Variants in CACNB2 observed in about 807,000 individuals in gnomAD.
CACNB2 encodes voltage-dependent L-type calcium channel subunit beta-2.
Under a neutral mutation model 73.3 loss-of-function variants are expected in CACNB2, and 42 were observed. That is an observed-to-expected ratio of 0.57 (90% CI 0.45 to 0.74). The LOEUF (loss-of-function observed/expected upper bound fraction) is 0.74. Among genes scored for constraint, CACNB2 ranks in the 30% least tolerant of loss-of-function variants. The probability of loss-of-function intolerance (pLI) is 0.00; values close to 1 mark genes in which losing one functional copy is unlikely to be tolerated. For missense variants in CACNB2, 940 were observed against 853.0 expected (o/e 1.10, Z -1.27); for synonymous variants, 348 against 310.3 (o/e 1.12, Z -1.28).
chr10:18,498,754 C>T (rs1414696120), intron 4 of CACNB2: 3 of 403,750 alleles, frequency 7.4e-6, no homozygotes, highest in African/African-American at 6.2e-5. Flanking sequence ...CTTTTTTATG[C>T]TTAACCTATA....
intron 3 of CACNB2, among the ~76,000 whole-genome samples, chr10:18,415,858 C>T (rs2044927996): frequency 6.6e-6 from 1 of 152,162 alleles, no homozygotes; most frequent in Non-Finnish European, 1.5e-5. Context: ...TCTTGCAAAT[C>T]TGAAACTCTA....
chr10:18,315,710 A>G (rs2040156982), intron 2 of CACNB2, among the ~76,000 whole-genome samples: 1 of 151,828 alleles, frequency 6.6e-6, no homozygotes. Context: ...ACAAAACAAA[A>G]TGAAACTAAA....
At chr10:18,450,984 T>A (rs1292810064) in intron 3 of CACNB2, among the ~76,000 whole-genome samples, 1 of 152,148 alleles carries the variant, frequency 6.6e-6, no homozygotes, top group Non-Finnish European at 1.5e-5. Flanking sequence ...TTTTAACATG[T>A]TACTTGGGAC....
chr10:18,296,446 G>A (rs983230595), intron 2 of CACNB2, among the ~76,000 whole-genome samples: 3 of 152,040 alleles, frequency 2.0e-5, no homozygotes, highest in African/African-American at 4.8e-5. Flanking sequence ...ACACTCATAC[G>A]TTGAGAGAGT....
At chr10:18,475,298 CT>C (rs1308636733) in intron 3 of CACNB2, among the ~76,000 whole-genome samples, 2 of 152,036 alleles carry the variant, frequency 1.3e-5, no homozygotes, top group Non-Finnish European at 2.9e-5. Context: ...GTCTCCAACC[CT>C]TTTCCTGTCT....
At chr10:18,467,652 C>T (rs1453170163) in intron 3 of CACNB2, among the ~76,000 whole-genome samples, 1 of 152,192 alleles carries the variant, frequency 6.6e-6, no homozygotes, top group East Asian at 1.9e-4. Flanking sequence ...TTACTATTCT[C>T]CATTGACAGT....
chr10:18,399,697 TTCTTAAGA>T (rs1241896156), intron 2 of CACNB2, among the ~76,000 whole-genome samples: 1 of 152,044 alleles, frequency 6.6e-6, no homozygotes, highest in African/African-American at 2.4e-5. Flanking sequence ...TTCTTAAGTA[TTCTTAAGA>T]ACACTTTTTT....
chr10:18,488,028 C>G (rs2049161906), intron 3 of CACNB2, among the ~76,000 whole-genome samples: 1 of 151,040 alleles, frequency 6.6e-6, no homozygotes, highest in South Asian at 2.1e-4. Context: ...TGGCTGGTCT[C>G]GAACTCCTGA....
Position 18,343,927 on chromosome 10 carries a change from T to TAATA in CACNB2, c.214-57985_214-57982dup, listed in dbSNP as rs144480471. ...AAAGTGGTCCTCAACTTCTAAATGG[T>TAATA]AATAAATAAATAAATCTGAGTGGGC... On this transcript the variant is annotated intron_variant, in intron 2 of 13. Coordinates refer to ENST00000324631, the MANE Select transcript of CACNB2 (RefSeq NM_201596.3). Among the ~76,000 whole-genome samples the TAATA allele has an allele frequency of 6.5e-3, 987 of 151,982 alleles. 5 individuals are homozygous for TAATA. Among genetic ancestry groups the TAATA allele is most frequent in the Non-Finnish European group, 0.011 (743 of 67,854 alleles).
rs539986342 is a variant in CACNB2 at position 18,466,241 on chromosome 10, A to AT, written c.334-32108dup. Among the ~76,000 whole-genome samples, 939 of 152,020 alleles carry AT rather than the reference A, an allele frequency of 6.2e-3. 14 individuals are homozygous for AT. Among genetic ancestry groups the AT allele is most frequent in the African/African-American group, 0.022 (908 of 41,446 alleles). ...CGTCTTTTGCCTATTTAATCTATAT[A>AT]TTTTTTATTTTTTAGAGACAGTGTC... On this transcript the variant is annotated intron_variant, in intron 3 of 13. Transcript: ENST00000324631.
chr10:18,299,078 A>AT (rs1296731164), intron 2 of CACNB2, among the ~76,000 whole-genome samples: 2 of 97,436 alleles, frequency 2.1e-5, no homozygotes, highest in Admixed American at 1.2e-4. Flanking sequence ...AAAAAAAAAA[A>AT]AATAAAAAAT....
chr10:18,495,544 ACTGTGTGTG>A (rs1227199055), intron 3 of CACNB2, among the ~76,000 whole-genome samples: 1,509 of 123,678 alleles, frequency 0.012, 30 homozygotes, highest in African/African-American at 0.047. Flanking sequence ...AAGTATAAAA[ACTGTGTGTG>A]TGTGTGTGTG....
chr10:18,375,792 C>T (rs151129627), intron 2 of CACNB2, among the ~76,000 whole-genome samples: 21 of 152,222 alleles, frequency 1.4e-4, no homozygotes, highest in East Asian at 5.8e-4. Flanking sequence ...TTTGTTGATA[C>T]GCTGAAAACC....
At chr10:18,344,375 T>C (rs2041360765) in intron 2 of CACNB2, among the ~76,000 whole-genome samples, 1 of 150,930 alleles carries the variant, frequency 6.6e-6, no homozygotes, top group African/African-American at 2.4e-5. Flanking sequence ...GACAAAACTT[T>C]TTTTTTTTTT....
chr10:18,296,975 G>A (rs147138285), intron 2 of CACNB2, among the ~76,000 whole-genome samples: 1 of 152,220 alleles, frequency 6.6e-6, no homozygotes, highest in Admixed American at 6.5e-5. Context: ...TCCTGTAGGA[G>A]TATTTTTTAA....
intron 2 of CACNB2, among the ~76,000 whole-genome samples, chr10:18,363,601 A>G (rs979372468): frequency 1.3e-5 from 2 of 152,192 alleles, no homozygotes; most frequent in Non-Finnish European, 2.9e-5. Flanking sequence ...AGTAAGCTCA[A>G]AGCTAGCAGT....
chr10:18,488,851 C>T (rs1326901436), intron 3 of CACNB2, among the ~76,000 whole-genome samples: 3 of 151,346 alleles, frequency 2.0e-5, no homozygotes, highest in African/African-American at 7.3e-5. Context: ...AGCACCAGCT[C>T]TAACGCTTAT....
intron 2 of CACNB2, among the ~76,000 whole-genome samples, chr10:18,227,909 T>C (rs2131428834): frequency 6.6e-6 from 1 of 152,320 alleles, no homozygotes; most frequent in African/African-American, 2.4e-5. Flanking sequence ...GAGTCACTTT[T>C]GTCTCCACTC....
At chr10:18,316,468 CT>C (rs79771428) in intron 2 of CACNB2, among the ~76,000 whole-genome samples, 247 of 142,940 alleles carry the variant, frequency 1.7e-3, no homozygotes, top group East Asian at 2.0e-3. Context: ...TCCCCCCTCT[CT>C]TTTTTTTTTT....
Sources: gnomAD v4.1 joint callset for allele counts (sites outside exome capture counted in the v4.1 genomes callset) on GRCh38, gnomAD v4.1.1 for gene constraint, MANE v1.5 for transcripts, NCBI Gene and HGNC (gene_info 2026-07-23, HGNC 2026-07-21) for gene names.